MBTD1: variants seen among roughly 807,000 people sequenced by gnomAD.
The protein encoded by MBTD1 is MBT domain-containing protein 1.
Under a neutral mutation model 87.8 loss-of-function variants are expected in MBTD1, and 24 were observed. The observed-to-expected ratio is 0.27, with a 90% CI of 0.20 to 0.38. The LOEUF (loss-of-function observed/expected upper bound fraction) is 0.38. Ranked by LOEUF, MBTD1 falls within the 10% of genes least tolerant of loss-of-function variation. The probability of loss-of-function intolerance (pLI) is 1.00; values close to 1 mark genes in which losing one functional copy is unlikely to be tolerated. For missense variants in MBTD1, 436 were observed against 760.2 expected (o/e 0.57, Z 5.02); for synonymous variants, 237 against 248.6 (o/e 0.95, Z 0.44).
intron 2 of MBTD1, chr17:51,251,023 CTTTG>C (rs957751532): frequency 6.6e-5 from 10 of 151,910 alleles, no homozygotes; most frequent in African/African-American, 2.4e-4. Context: ...GCTTTTTGTT[CTTTG>C]TATTTGTTTC....
chr17:51,193,382 G>T, intron 14 of MBTD1, 46 bp downstream of exon 14: 2 of 1,226,122 alleles, frequency 1.6e-6, no homozygotes, highest in East Asian at 2.3e-5. Context: ...TGTATTTGTG[G>T]GGCATTAATA....
At position 51,195,259 on chromosome 17, in the gene MBTD1, C is replaced by G; in HGVS notation, c.1327G>C (p.Val443Leu). The change falls in exon 13 of 17, where the codon GTC becomes CTC. Residue 443 changes from valine to leucine, a missense_variant. This residue lies in a region of MBTD1 where 268 missense variants were observed against 401.8 expected (regional missense o/e 0.67). Coordinates refer to ENST00000586178, the MANE Select transcript of MBTD1 (RefSeq NM_017643.3). Reference sequence around the variant, plus strand: ...ATCATGTTAATTTCACAGAAACCGACAGGGAAAATAGAAGGAGAGGTTGCA... The same window carrying G: ...ATCATGTTAATTTCACAGAAACCGAGAGGGAAAATAGAAGGAGAGGTTGCA... ...YHATSPSIFP[V>L]GFCEINMIEL... The G allele has an allele frequency of 6.2e-7, 1 of 1,613,246 alleles. No individual in the cohort carries two copies.
chr17:51,260,854 C>T, upstream of MBTD1: 2 of 1,601,264 alleles, frequency 1.2e-6, no homozygotes, highest in East Asian at 2.3e-5. Context: ...TGGAGCGGTG[C>T]TTGGAGGAGC....
At chr17:51,246,319 G>A (rs566314250) in intron 2 of MBTD1, among the ~76,000 whole-genome samples, 17 of 152,310 alleles carry the variant, frequency 1.1e-4, no homozygotes, top group Admixed American at 7.2e-4. Context: ...AGAAAGCAAA[G>A]GTGTCACTAT....
Position 51,217,362 on chromosome 17 carries a change from A to G in MBTD1, c.458T>C (p.Ile153Thr), listed in dbSNP as rs943380918. Residue 153 changes from isoleucine to threonine, a missense_variant, in exon 6 of 17, where the codon ATA becomes ACA. By Grantham distance (89) the Ile-to-Thr change is moderately conservative. This residue lies in a region of MBTD1 where 268 missense variants were observed against 401.8 expected (regional missense o/e 0.67). Coordinates refer to ENST00000586178, the MANE Select transcript of MBTD1 (RefSeq NM_017643.3). ...WGNYINSNSF[I>T]AAPVTCFKHA... Reference sequence around the variant, plus strand: ...TTTAAAACAGGTAACCGGAGCTGCTATAAAGCTATTGCTATTGATGTAGTT... The same window carrying G: ...TTTAAAACAGGTAACCGGAGCTGCTGTAAAGCTATTGCTATTGATGTAGTT... The G allele has an allele frequency of 4.7e-5, 73 of 1,540,538 alleles. No homozygotes were observed. In the Middle Eastern group the frequency reaches 5.0e-4, roughly 11 times the overall value.
At chr17:51,199,761 C>A (rs535555056) in intron 12 of MBTD1, among the ~76,000 whole-genome samples, 1 of 152,094 alleles carries the variant, frequency 6.6e-6, no homozygotes, top group African/African-American at 2.4e-5. Flanking sequence ...GGGTTTGGAG[C>A]CAGTCTTGTC....
chr17:51,194,163 T>G (rs546921865), intron 13 of MBTD1, among the ~76,000 whole-genome samples: 50 of 152,362 alleles, frequency 3.3e-4, no homozygotes, highest in Non-Finnish European at 6.5e-4. Context: ...ATACTATTTT[T>G]TATAGACCTC....
Position 51,193,016 on chromosome 17 carries a change from C to G in MBTD1, c.1456G>C (p.Asp486His). Residue 486 changes from aspartate to histidine, a missense_variant and splice_region_variant, in exon 15 of 17, where the codon GAT becomes CAT. This residue lies in a region of MBTD1 where 80 missense variants were observed against 182.2 expected (regional missense o/e 0.44). Coordinates refer to ENST00000586178, the MANE Select transcript of MBTD1 (RefSeq NM_017643.3). ...IAAPVKLFNK[D>H]VPNHGFRVGM... ...ACACGAAATCCGTGATTTGGAACAT[C>G]CTGACACAGAGAAGAAAACATTAAT... 6.2e-7 allele frequency: 1 copy of G among 1,600,802 alleles called. No homozygotes were observed.
intron 13 of MBTD1, 123 bp from the exon 14 acceptor site, chr17:51,193,633 T>C (rs907810524): frequency 7.7e-6 from 5 of 647,652 alleles, no homozygotes; most frequent in Non-Finnish European, 1.4e-5. Context: ...CTTTATTTTT[T>C]TTGAGACAGG....
chr17:51,228,550 T>C (rs1306967049), intron 2 of MBTD1, among the ~76,000 whole-genome samples: 6 of 144,766 alleles, frequency 4.1e-5, no homozygotes, highest in Middle Eastern at 3.4e-3. Context: ...CCAAAATAAA[T>C]TGCATAACTA....
In MBTD1 at chr17:51,180,711, G is replaced by C. The variant is rs1239682167; in HGVS notation, c.1769-17C>G. The C allele has an allele frequency of 7.4e-7, 1 of 1,352,002 alleles. No homozygotes were observed. The highest frequency in any genetic ancestry group is 1.0e-6 in the Non-Finnish European group (1 of 965,048). The allele number at this position is 1,352,002 out of a possible 1,614,324, so 83.8% of individuals were successfully genotyped here. A position where few individuals can be genotyped will look rare whatever the true frequency, so the allele number is the denominator to read the frequency against. On this transcript the variant is annotated splice_polypyrimidine_tract_variant and intron_variant, in intron 16 of 16. Transcript: ENST00000586178. ...GTGTTGTCACTGAATGAAAGAGAGAGAAACATATGGGCATTAAGGCTCTCT... is the reference window on the plus strand; with the variant it reads ...GTGTTGTCACTGAATGAAAGAGAGACAAACATATGGGCATTAAGGCTCTCT...
chr17:51,234,259 G>A (rs1042495123), intron 2 of MBTD1, among the ~76,000 whole-genome samples: 2 of 151,790 alleles, frequency 1.3e-5, no homozygotes, highest in African/African-American at 4.8e-5. Context: ...TGGGTGTAGT[G>A]GCATGCACCT....
chr17:51,247,357 T>C (rs1162159796), intron 2 of MBTD1, among the ~76,000 whole-genome samples: 5 of 152,156 alleles, frequency 3.3e-5, no homozygotes, highest in South Asian at 2.1e-4. Context: ...TGCACAGTAA[T>C]AGTTTTTCAT....
At chr17:51,250,635 AC>A (rs1004278362) in intron 2 of MBTD1, 2 of 152,088 alleles carry the variant, frequency 1.3e-5, no homozygotes, top group African/African-American at 4.8e-5. Flanking sequence ...TTGCCTGGAG[AC>A]CCTGAGAATT....
At chr17:51,202,611 C>T in intron 10 of MBTD1, 90 bp downstream of exon 10, 1 of 959,056 alleles carries the variant, frequency 1.0e-6, no homozygotes, top group Non-Finnish European at 1.7e-6. Flanking sequence ...TGCTATTTTT[C>T]ATCTATGCAA....
chr17:51,214,729 C>T (rs905754635), intron 6 of MBTD1, among the ~76,000 whole-genome samples: 1 of 151,958 alleles, frequency 6.6e-6, no homozygotes, highest in African/African-American at 2.4e-5. Flanking sequence ...GAAAGGCTCC[C>T]GACTTGTACT....
chr17:51,231,702 T>C (rs920798527), intron 2 of MBTD1, among the ~76,000 whole-genome samples: 9 of 152,282 alleles, frequency 5.9e-5, no homozygotes, highest in Admixed American at 2.0e-4. Context: ...CTAAGGCCTC[T>C]GACTGTCCTA....
At position 51,179,519 on chromosome 17, in the gene MBTD1, TA is replaced by T. The variant is rs1475954411; in HGVS notation, c.*1056del. On this transcript the variant is annotated 3_prime_UTR_variant, in exon 17 of 17. Coordinates refer to ENST00000586178, the MANE Select transcript of MBTD1 (RefSeq NM_017643.3). ...ATATATATATATATATATATATATA[TA>T]TATATATATATATATATGGAATTTT... 1.9e-5 allele frequency: 2 copies of T among 103,402 alleles called. No homozygotes were observed. The highest frequency in any genetic ancestry group is 1.0e-4 in the Admixed American group (1 of 9,878). 6.4% of individuals were successfully genotyped at this position (103,402 alleles called of 1,614,324 possible).
intron 2 of MBTD1, among the ~76,000 whole-genome samples, chr17:51,245,219 T>C (rs1040837913): frequency 2.0e-5 from 3 of 152,158 alleles, no homozygotes; most frequent in Admixed American, 6.5e-5. Context: ...TTTTTTGTTA[T>C]CTTATTTTGT....
Sources: gnomAD v4.1 joint callset for allele counts (sites outside exome capture counted in the v4.1 genomes callset) on GRCh38, gnomAD v4.1.1 for gene constraint, gnomAD v4.1.1 regional missense constraint, MANE v1.5 for transcripts, NCBI Gene and HGNC (gene_info 2026-07-23, HGNC 2026-07-21) for gene names.